Variants in CERS6 observed in about 807,000 individuals in gnomAD.
CERS6 encodes the protein ceramide synthase 6.
In CERS6, 26 loss-of-function variants were observed where a neutral mutation model predicts 56.8. That is an observed-to-expected ratio of 0.46 (90% CI 0.34 to 0.63). The LOEUF (loss-of-function observed/expected upper bound fraction) is 0.63, where lower values mean the gene tolerates loss of function less well. Ranked by LOEUF, CERS6 falls within the 30% of genes least tolerant of loss-of-function variation. The pLI is 0.01. For missense variants in CERS6, 415 were observed against 467.5 expected, an observed-to-expected ratio of 0.89 and a Z score of 1.04; for synonymous variants, 164 against 173.3, an observed-to-expected ratio of 0.95 and a Z score of 0.42.
At chr2:168,760,765 T>TATTC (rs1491241168) in intron 8 of CERS6, among the ~76,000 whole-genome samples, 2 of 127,948 alleles carry the variant, frequency 1.6e-5, no homozygotes, top group Non-Finnish European at 3.7e-5. Context: ...TTTATTTATT[T>TATTC]ATTTTTTTGA....
chr2:168,748,390 A>T (rs919185295), intron 8 of CERS6, among the ~76,000 whole-genome samples: 12 of 152,216 alleles, frequency 7.9e-5, no homozygotes, highest in African/African-American at 2.4e-4. Flanking sequence ...ATAATTTTTT[A>T]AAATTTATTT....
At chr2:168,657,137 G>A (rs1041179584) in intron 4 of CERS6, among the ~76,000 whole-genome samples, 2 of 152,144 alleles carry the variant, frequency 1.3e-5, no homozygotes, top group South Asian at 2.1e-4. Flanking sequence ...ATACCTCACC[G>A]ATTGGTGCAG....
chr2:168,762,308 C>CTATG (rs1420579122), intron 8 of CERS6, among the ~76,000 whole-genome samples: 1 of 152,012 alleles, frequency 6.6e-6, no homozygotes, highest in Non-Finnish European at 1.5e-5. Context: ...TATTTTATGT[C>CTATG]TATGTATTTG....
rs1425325556 is a variant in CERS6 at position 168,620,040 on chromosome 2, CACACACACACACACACACACACAT to C, written c.408-10943_408-10920del. 3.4e-5 allele frequency among the ~76,000 whole-genome samples: 5 copies of C among 145,422 alleles called. 1 individual carries two copies. The East Asian group carries it at 6.5e-4, about 19-fold the overall frequency. ...ACACACACACACACACACACACACA[CACACACACACACACACACACACAT>C]ATTTATATATATATGATCTAATACT... On this transcript the variant is annotated intron_variant, in intron 3 of 9. Transcript: ENST00000305747.
intron 4 of CERS6, among the ~76,000 whole-genome samples, chr2:168,634,277 T>C (rs1684814598): frequency 6.6e-6 from 1 of 152,226 alleles, no homozygotes; most frequent in Non-Finnish European, 1.5e-5. Context: ...TCAAATACTT[T>C]TGTTAAAGAA....
At chr2:168,645,111 A>ATATATATATATATATATATATATATAT (rs1685148190) in intron 4 of CERS6, among the ~76,000 whole-genome samples, 1 of 59,436 alleles carries the variant, frequency 1.7e-5, no homozygotes, top group Non-Finnish European at 3.3e-5. Context: ...AAAAAAAAAA[A>ATATATATATATATATATATATATATAT]AAAAAATATA....
intron 6 of CERS6, among the ~76,000 whole-genome samples, chr2:168,712,469 A>G (rs1687115793): frequency 6.6e-6 from 1 of 152,196 alleles, no homozygotes; most frequent in Non-Finnish European, 1.5e-5. Flanking sequence ...CTTTTCCAGT[A>G]TGATAGATAA....
At chr2:168,458,953 A>G (rs1693728380) in intron 1 of CERS6, among the ~76,000 whole-genome samples, 1 of 152,242 alleles carries the variant, frequency 6.6e-6, no homozygotes, top group Non-Finnish European at 1.5e-5. Context: ...AAGGGCCTGA[A>G]TCAATAAAAC....
Position 168,503,873 on chromosome 2 carries a change from G to A in CERS6, c.171-43723G>A, listed in dbSNP as rs1017862824. On this transcript the variant is annotated intron_variant, in intron 1 of 9. Coordinates refer to ENST00000305747, the MANE Select transcript of CERS6 (RefSeq NM_203463.3). ...AGTTGTGCCATCAAAGACAAGTTGG[G>A]GACCCAAGTTCTGCAGTATCCTGCA... is the stretch of plus-strand genomic sequence containing the variant. Among the ~76,000 whole-genome samples the A allele has an allele frequency of 3.9e-5, 6 of 152,144 alleles. No homozygotes were observed. The South Asian group carries it at 6.2e-4, about 16-fold the overall frequency.
chr2:168,718,540 A>C lies in CERS6; in HGVS notation c.845+562A>C, dbSNP rs114039051. ...ACCACTATCCTAGATAATTCTTTTC[A>C]TTAGCTGTATACCTTTCTAACCAAA... On this transcript the variant is annotated intron_variant, in intron 8 of 9. Transcript: ENST00000305747. 8.0e-3 allele frequency among the ~76,000 whole-genome samples: 1,218 copies of C among 152,342 alleles called. 12 individuals carry two copies. The highest frequency in any genetic ancestry group is 0.027 in the African/African-American group (1,141 of 41,576).
At chr2:168,576,756 A>C (rs1448270803) in intron 3 of CERS6, among the ~76,000 whole-genome samples, 2 of 152,186 alleles carry the variant, frequency 1.3e-5, no homozygotes, top group African/African-American at 2.4e-5. Flanking sequence ...ACATACATAC[A>C]TACACATATG....
intron 6 of CERS6, among the ~76,000 whole-genome samples, chr2:168,712,301 C>T (rs191736448): frequency 2.0e-4 from 31 of 152,308 alleles, no homozygotes; most frequent in Non-Finnish European, 3.7e-4. Flanking sequence ...CCAACCTTAG[C>T]ACTGTCACCC....
chr2:168,721,494 A>AT (rs1267986104), intron 8 of CERS6, among the ~76,000 whole-genome samples: 1 of 149,742 alleles, frequency 6.7e-6, no homozygotes, highest in Non-Finnish European at 1.5e-5. Context: ...GCTGGATTAC[A>AT]TTGTAACTCT....
intron 6 of CERS6, among the ~76,000 whole-genome samples, chr2:168,714,405 C>T (rs1687175848): frequency 6.6e-6 from 1 of 152,180 alleles, no homozygotes; most frequent in South Asian, 2.1e-4. Flanking sequence ...CCTACTGTCC[C>T]TTCATAGATG....
At chr2:168,671,738 T>G (rs527887976) in intron 4 of CERS6, among the ~76,000 whole-genome samples, 3 of 152,314 alleles carry the variant, frequency 2.0e-5, no homozygotes, top group Non-Finnish European at 4.4e-5. Context: ...AGTCATTCTT[T>G]CAGGATGTAT....
At chr2:168,638,272 C>G (rs1684907523) in intron 4 of CERS6, among the ~76,000 whole-genome samples, 1 of 152,088 alleles carries the variant, frequency 6.6e-6, no homozygotes, top group Non-Finnish European at 1.5e-5. Flanking sequence ...TTCCACAGAA[C>G]AATTTTTTCT....
At chr2:168,683,696 T>A (rs1686274123) in intron 4 of CERS6, among the ~76,000 whole-genome samples, 1 of 152,170 alleles carries the variant, frequency 6.6e-6, no homozygotes, top group South Asian at 2.1e-4. Context: ...ATTCCTGTTC[T>A]AAACATGGAA....
At chr2:168,764,241 C>T (rs1021137889) in intron 8 of CERS6, among the ~76,000 whole-genome samples, 2 of 152,094 alleles carry the variant, frequency 1.3e-5, no homozygotes, top group Non-Finnish European at 2.9e-5. Context: ...CTCCCAGGTT[C>T]ACACCATTCT....
chr2:168,479,734 G>T (rs1437857821), intron 1 of CERS6, among the ~76,000 whole-genome samples: 1 of 152,106 alleles, frequency 6.6e-6, no homozygotes. Flanking sequence ...TCAGCCTCCT[G>T]AGTAGCTGGG....
Sources: gnomAD v4.1 joint callset for allele counts (sites outside exome capture counted in the v4.1 genomes callset) on GRCh38, gnomAD v4.1.1 for gene constraint, MANE v1.5 for transcripts, NCBI Gene and HGNC (gene_info 2026-07-23, HGNC 2026-07-21) for gene names.